PPP3R1: variants seen among roughly 807,000 people sequenced by gnomAD.
PPP3R1 encodes calcineurin subunit B type 1.
Under a neutral mutation model 22.6 loss-of-function variants are expected in PPP3R1, and 5 were observed. That is an observed-to-expected ratio of 0.22 (90% CI 0.12 to 0.46). The LOEUF (loss-of-function observed/expected upper bound fraction) is 0.46, where lower values mean the gene tolerates loss of function less well. Among genes scored for constraint, PPP3R1 ranks in the 20% least tolerant of loss-of-function variants. PPP3R1 has a pLI of 0.99. For missense variants in PPP3R1, 61 were observed against 203.2 expected (o/e 0.30, Z 4.25); for synonymous variants, 56 against 65.2 (o/e 0.86, Z 0.68).
chr2:68,199,027 G>A (rs958601653), intron 2 of PPP3R1, among the ~76,000 whole-genome samples: 14 of 152,030 alleles, frequency 9.2e-5, no homozygotes, highest in African/African-American at 3.1e-4. Flanking sequence ...GCAGTGGCAC[G>A]ATCTTGGCTC....
intron 2 of PPP3R1, among the ~76,000 whole-genome samples, chr2:68,203,455 A>G (rs1675029432): frequency 6.6e-6 from 1 of 151,996 alleles, no homozygotes; most frequent in Non-Finnish European, 1.5e-5. Flanking sequence ...TACAAAATTA[A>G]CCAGGTGTGG....
At chr2:68,228,692 T>C (rs1406004714) in intron 1 of PPP3R1, among the ~76,000 whole-genome samples, 1 of 152,018 alleles carries the variant, frequency 6.6e-6, no homozygotes, top group Non-Finnish European at 1.5e-5. Flanking sequence ...TAGATTTTTC[T>C]CATCTTTTTT....
intron 5 of PPP3R1, among the ~76,000 whole-genome samples, chr2:68,182,999 C>T (rs932980148): frequency 6.6e-6 from 1 of 152,120 alleles, no homozygotes; most frequent in Non-Finnish European, 1.5e-5. Flanking sequence ...TTTTTGTCTC[C>T]AGGCCTGTCA....
intron 2 of PPP3R1, among the ~76,000 whole-genome samples, chr2:68,190,432 G>A (rs1298747207): frequency 6.6e-6 from 1 of 152,072 alleles, no homozygotes; most frequent in Non-Finnish European, 1.5e-5. Context: ...GGGAGTGATG[G>A]CAGGGCGCCT....
chr2:68,208,447 C>CATGGCTATGTTCCA (rs985235300), intron 2 of PPP3R1, among the ~76,000 whole-genome samples: 1 of 152,168 alleles, frequency 6.6e-6, no homozygotes, highest in Non-Finnish European at 1.5e-5. Context: ...GAAAAATGGG[C>CATGGCTATGTTCCA]ATGGCTATGT....
At chr2:68,198,991 T>C (rs1279762436) in intron 2 of PPP3R1, among the ~76,000 whole-genome samples, 1 of 152,122 alleles carries the variant, frequency 6.6e-6, no homozygotes, top group Non-Finnish European at 1.5e-5. Context: ...TAAGATGGAG[T>C]TTTGCTCTGT....
intron 2 of PPP3R1, among the ~76,000 whole-genome samples, chr2:68,207,954 G>A (rs935096173): frequency 6.6e-6 from 1 of 152,150 alleles, no homozygotes; most frequent in Non-Finnish European, 1.5e-5. Flanking sequence ...TCAGGAGTTC[G>A]AGACAAGCCT....
Position 68,217,037 on chromosome 2 carries a change from C to G in PPP3R1, c.43+55G>C, listed in dbSNP as rs1429108344. On this transcript the variant is annotated intron_variant, in intron 2 of 5. Coordinates refer to ENST00000234310, the MANE Select transcript of PPP3R1 (RefSeq NM_000945.4). ...ACACACACACACACACACACACACA[C>G]ACAGAGAGAGATGAGTGAATAAAAG... The G allele has an allele frequency of 1.5e-4, 197 of 1,279,718 alleles. 2 individuals are homozygous for G. The highest frequency in any genetic ancestry group is 5.1e-4 in the African/African-American group (26 of 51,064). 79.3% of individuals were successfully genotyped at this position (1,279,718 alleles called of 1,614,324 possible).
chr2:68,211,098 T>C (rs1490222180), intron 2 of PPP3R1, among the ~76,000 whole-genome samples: 1 of 152,108 alleles, frequency 6.6e-6, no homozygotes, highest in Non-Finnish European at 1.5e-5. Context: ...ACAACACATA[T>C]ACCTTAATTT....
intron 1 of PPP3R1, among the ~76,000 whole-genome samples, chr2:68,245,382 T>G (rs1670216099): frequency 6.6e-6 from 1 of 152,182 alleles, no homozygotes; most frequent in African/African-American, 2.4e-5. Context: ...AAAAAATTAT[T>G]CAGTTTATTT....
intron 2 of PPP3R1, among the ~76,000 whole-genome samples, chr2:68,210,172 T>C (rs920752190): frequency 1.3e-5 from 2 of 152,196 alleles, no homozygotes; most frequent in Non-Finnish European, 2.9e-5. Flanking sequence ...CAGAACCTCA[T>C]ATCTTAATCT....
intron 2 of PPP3R1, among the ~76,000 whole-genome samples, chr2:68,189,629 A>T: frequency 6.6e-6 from 1 of 152,206 alleles, no homozygotes; most frequent in Non-Finnish European, 1.5e-5. Flanking sequence ...GCACTTTGGG[A>T]GGCCAATGTG....
intron 2 of PPP3R1, among the ~76,000 whole-genome samples, chr2:68,205,121 T>C (rs1675087660): frequency 6.6e-6 from 1 of 152,174 alleles, no homozygotes; most frequent in Non-Finnish European, 1.5e-5. Flanking sequence ...TATAATGAAT[T>C]CTATATGCTC....
chr2:68,224,584 A>G (rs1669748314), intron 1 of PPP3R1, among the ~76,000 whole-genome samples: 1 of 152,066 alleles, frequency 6.6e-6, no homozygotes, highest in Non-Finnish European at 1.5e-5. Flanking sequence ...GAATCACTTG[A>G]ACCTGGGAAG....
At chr2:68,203,930 A>T (rs1675049131) in intron 2 of PPP3R1, among the ~76,000 whole-genome samples, 1 of 152,186 alleles carries the variant, frequency 6.6e-6, no homozygotes, top group Admixed American at 6.5e-5. Flanking sequence ...CTAACAAAAG[A>T]GAGATGAGAC....
chr2:68,209,573 T>A (rs1358153117), intron 2 of PPP3R1, among the ~76,000 whole-genome samples: 3 of 151,384 alleles, frequency 2.0e-5, no homozygotes, highest in Admixed American at 1.3e-4. Context: ...GGTAACATAA[T>A]AAAACCCGGA....
At chr2:68,243,314 A>C (rs562757915) in intron 1 of PPP3R1, among the ~76,000 whole-genome samples, 1 of 152,138 alleles carries the variant, frequency 6.6e-6, no homozygotes, top group African/African-American at 2.4e-5. Context: ...CAGACCTATA[A>C]ATTAGTCAGA....
At chr2:68,238,573 G>A (rs1174887386) in intron 1 of PPP3R1, among the ~76,000 whole-genome samples, 6 of 152,156 alleles carry the variant, frequency 3.9e-5, no homozygotes, top group South Asian at 2.1e-4. Flanking sequence ...TCTCAAAGAC[G>A]TAGCCTTGAC....
chr2:68,240,886 C>A (rs1332965645), intron 1 of PPP3R1, among the ~76,000 whole-genome samples: 2 of 152,120 alleles, frequency 1.3e-5, no homozygotes, highest in Non-Finnish European at 2.9e-5. Flanking sequence ...TTGGACCAAA[C>A]CTACATCAAA....
Sources: allele counts gnomAD v4.1 joint callset (sites outside exome capture counted in the v4.1 genomes callset), GRCh38; gene constraint gnomAD v4.1.1; transcripts MANE v1.5; gene names NCBI Gene and HGNC (gene_info 2026-07-23, HGNC 2026-07-21).